Variants in RALGAPA2 observed in about 807,000 individuals in gnomAD.
RALGAPA2 encodes Ral GTPase activating protein catalytic subunit alpha 2, also known as ral GTPase-activating protein subunit alpha-2.
In RALGAPA2, 139 loss-of-function variants were observed where a neutral mutation model predicts 230.4. The observed-to-expected ratio is 0.60, with a 90% CI of 0.53 to 0.69. The LOEUF is 0.69. Ranked by LOEUF, RALGAPA2 falls within the 30% of genes least tolerant of loss-of-function variation. The pLI, the probability that RALGAPA2 is intolerant of heterozygous loss-of-function variation, is 0.00. For missense variants in RALGAPA2, 2,163 were observed against 2,276.0 expected (o/e 0.95, Z 1.01); for synonymous variants, 847 against 837.8 (o/e 1.01, Z -0.19).
intron 16 of RALGAPA2, among the ~76,000 whole-genome samples, chr20:20,599,158 A>G (rs569032739): frequency 1.8e-4 from 27 of 152,150 alleles, no homozygotes; most frequent in Non-Finnish European, 2.5e-4. Flanking sequence ...TCCTTTCCTA[A>G]AGGACAAATA....
rs2068485652 is a variant in RALGAPA2 at position 20,680,634 on chromosome 20, A to C, written c.217+57T>G. The C allele has an allele frequency of 4.0e-6, 6 of 1,482,118 alleles. No homozygotes were observed. In the South Asian group the frequency reaches 8.2e-5, roughly 20 times the overall value. 91.8% of individuals were successfully genotyped at this position (1,482,118 alleles called of 1,614,324 possible). On this transcript the variant is annotated intron_variant, in intron 2 of 39. Coordinates refer to ENST00000202677, the MANE Select transcript of RALGAPA2 (RefSeq NM_020343.4). ...ATGTATAATTTGTGGCTCATGATATATACAACTTATAAAAATGCCCGAATG... is the reference window on the plus strand; with the variant it reads ...ATGTATAATTTGTGGCTCATGATATCTACAACTTATAAAAATGCCCGAATG...
At position 20,635,563 on chromosome 20, in the gene RALGAPA2, T is replaced by C. The variant is rs2066830826; in HGVS notation, c.860A>G (p.Glu287Gly). The change falls in exon 9 of 40, where the codon GAG (glutamate) becomes GGG (glycine). Residue 287 changes from glutamate to glycine, a missense_variant. Physicochemically the swap from Glu to Gly is moderately conservative, Grantham distance 98 (BLOSUM62 -2). Transcript: ENST00000202677. Reference protein sequence around the residue: ...PVYITTTRDNENIYSTKIPYM... With the variant: ...PVYITTTRDNGNIYSTKIPYM... ...TGGAATCTTTGTACTGTAAATGTTC[T>C]CATTGTCTCGAGTGGTAGTAATGTA... is the stretch of plus-strand genomic sequence containing the variant. 1 of 1,586,436 alleles carries C rather than the reference T, an allele frequency of 6.3e-7. No individual in the cohort carries two copies. Among genetic ancestry groups the C allele is most frequent in the African/African-American group, 1.4e-5 (1 of 72,946 alleles).
Position 20,588,038 on chromosome 20 carries a change from G to A in RALGAPA2, c.2439+1230C>T, listed in dbSNP as rs1373698483. Among the ~76,000 whole-genome samples the A allele has an allele frequency of 3.9e-5, 6 of 152,132 alleles. No homozygotes were observed. In the East Asian group the frequency reaches 1.2e-3, roughly 29 times the overall value. ...CTCTACACAATGCTGGCAAAAATAT[G>A]AGTGATGCAACCACTTTAGAGAACA... On this transcript the variant is annotated intron_variant, in intron 18 of 39. Transcript: ENST00000202677.
At chr20:20,667,777 G>T (rs943880987) in intron 3 of RALGAPA2, among the ~76,000 whole-genome samples, 3 of 152,186 alleles carry the variant, frequency 2.0e-5, no homozygotes, top group African/African-American at 7.2e-5. Context: ...AAGGTTGAAG[G>T]TGTGGTGGGG....
At chr20:20,446,637 T>G (rs749752278) in intron 37 of RALGAPA2, among the ~76,000 whole-genome samples, 2 of 152,242 alleles carry the variant, frequency 1.3e-5, no homozygotes, top group Non-Finnish European at 2.9e-5. Context: ...TGCTCAGCAC[T>G]GCCCTGGGTT....
In RALGAPA2 at chr20:20,535,361, C is replaced by T. The variant is rs189606904; in HGVS notation, c.3473+384G>A. On this transcript the variant is annotated intron_variant, in intron 26 of 39. Transcript: ENST00000202677. ...GCAGCCAGAATATTTCCAGACACTG[C>T]CAAATGTCTCCTGGTGTAAAAGATC... 8.9e-4 allele frequency among the ~76,000 whole-genome samples: 136 copies of T among 152,300 alleles called. 1 individual carries two copies. The South Asian group carries it at 0.017, about 19-fold the overall frequency.
At chr20:20,520,234 C>T (rs1250649614) in intron 31 of RALGAPA2, among the ~76,000 whole-genome samples, 1 of 151,942 alleles carries the variant, frequency 6.6e-6, no homozygotes, top group Non-Finnish European at 1.5e-5. Flanking sequence ...GTTTTACATG[C>T]ATGCATTTGT....
chr20:20,458,826 ATATATATATAGACC>A (rs1240992871), intron 37 of RALGAPA2, among the ~76,000 whole-genome samples: 222 of 6,516 alleles, frequency 0.034, no homozygotes, highest in Non-Finnish European at 0.06. Flanking sequence ...ATAGACCTAT[ATATATATATAGACC>A]TATATATATA....
intron 23 of RALGAPA2, among the ~76,000 whole-genome samples, chr20:20,566,422 T>C (rs2064426301): frequency 6.6e-6 from 1 of 152,196 alleles, no homozygotes; most frequent in South Asian, 2.1e-4. Context: ...TGGTTATTTC[T>C]CCACACGTTG....
At chr20:20,628,344 C>T (rs543202924) in intron 10 of RALGAPA2, among the ~76,000 whole-genome samples, 2 of 152,302 alleles carry the variant, frequency 1.3e-5, no homozygotes, top group Non-Finnish European at 2.9e-5. Flanking sequence ...CTGGACTCTG[C>T]CATTCAAGGG....
intron 36 of RALGAPA2, among the ~76,000 whole-genome samples, chr20:20,481,085 C>T (rs1056567066): frequency 1.3e-5 from 2 of 152,184 alleles, no homozygotes; most frequent in Admixed American, 1.3e-4. Flanking sequence ...GATGAAGACA[C>T]TTCATATCCA....
At chr20:20,683,382 AG>A (rs1459106689) in intron 1 of RALGAPA2, among the ~76,000 whole-genome samples, 1 of 152,174 alleles carries the variant, frequency 6.6e-6, no homozygotes, top group Non-Finnish European at 1.5e-5. Flanking sequence ...TGCCTCCAGT[AG>A]TACTTAAAAT....
intron 37 of RALGAPA2, among the ~76,000 whole-genome samples, chr20:20,414,026 C>G (rs2060116790): frequency 6.6e-6 from 1 of 152,280 alleles, no homozygotes; most frequent in Non-Finnish European, 1.5e-5. Context: ...ATGGCCCCAG[C>G]AAGCCGCTGG....
Position 20,520,888 on chromosome 20 carries a change from C to T in RALGAPA2, c.4084+29G>A, listed in dbSNP as rs1469058606. 2.0e-6 allele frequency: 3 copies of T among 1,501,494 alleles called. No individual in the cohort carries two copies. In the East Asian group the frequency reaches 7.2e-5, roughly 36 times the overall value. 93.0% of individuals were successfully genotyped at this position (1,501,494 alleles called of 1,614,324 possible). A position where few individuals can be genotyped will look rare whatever the true frequency, so the allele number is the denominator to read the frequency against. ...GCTAAATCCTTCCTTTTCCTTCCCA[C>T]AAGATTTCATACCTGAAAGAATACT... On this transcript the variant is annotated intron_variant, in intron 31 of 39. Coordinates refer to ENST00000202677, the MANE Select transcript of RALGAPA2 (RefSeq NM_020343.4).
At chr20:20,491,335 G>A (rs1017553198) in intron 36 of RALGAPA2, among the ~76,000 whole-genome samples, 1 of 152,134 alleles carries the variant, frequency 6.6e-6, no homozygotes, top group African/African-American at 2.4e-5. Flanking sequence ...CTCTGGTTGA[G>A]GTGAAGAGGA....
intron 37 of RALGAPA2, among the ~76,000 whole-genome samples, chr20:20,421,173 A>G (rs957884787): frequency 6.6e-6 from 1 of 152,222 alleles, no homozygotes; most frequent in Non-Finnish European, 1.5e-5. Context: ...TCCAAAGAAG[A>G]TATGTAAATG....
chr20:20,579,704 C>A (rs1259639817), intron 20 of RALGAPA2, among the ~76,000 whole-genome samples: 3 of 152,150 alleles, frequency 2.0e-5, no homozygotes, highest in Non-Finnish European at 2.9e-5. Flanking sequence ...TTCCTTTTCA[C>A]ATTTATGTAC....
intron 37 of RALGAPA2, among the ~76,000 whole-genome samples, chr20:20,448,083 C>T (rs1342682527): frequency 2.6e-5 from 4 of 152,230 alleles, no homozygotes; most frequent in Admixed American, 1.3e-4. Context: ...GATGAGAACA[C>T]AAATATAGTC....
Position 20,520,912 on chromosome 20 carries a change from C to T in RALGAPA2, c.4084+5G>A. On this transcript the variant is annotated splice_donor_5th_base_variant and intron_variant, in intron 31 of 39. Coordinates refer to ENST00000202677, the MANE Select transcript of RALGAPA2 (RefSeq NM_020343.4). ...ACAAGATTTCATACCTGAAAGAATA[C>T]TCACCCTCTTCAACAGTCAGCAGGT... The T allele has an allele frequency of 6.3e-7, 1 of 1,585,664 alleles. No individual in the cohort carries two copies. Among genetic ancestry groups the T allele is most frequent in the Non-Finnish European group, 8.6e-7 (1 of 1,159,324 alleles).
Sources: allele counts gnomAD v4.1 joint callset (sites outside exome capture counted in the v4.1 genomes callset), GRCh38; gene constraint gnomAD v4.1.1; transcripts MANE v1.5; gene names NCBI Gene and HGNC (gene_info 2026-07-23, HGNC 2026-07-21).